Variants in DPP10 observed in about 807,000 individuals in gnomAD.
The protein encoded by DPP10 is inactive dipeptidyl peptidase 10.
Under a neutral mutation model 120.9 loss-of-function variants are expected in DPP10, and 33 were observed. That is an observed-to-expected ratio of 0.27 (90% confidence interval 0.21 to 0.37). DPP10 has a LOEUF of 0.37. Ranked by LOEUF, DPP10 falls within the 10% of genes least tolerant of loss-of-function variation. The pLI is 1.00. For missense variants in DPP10, 816 were observed against 942.8 expected, an observed-to-expected ratio of 0.87 and a Z score of 1.76; for synonymous variants, 337 against 326.1, an observed-to-expected ratio of 1.03 and a Z score of -0.36.
intron 1 of DPP10, among the ~76,000 whole-genome samples, chr2:115,265,821 G>A (rs1458801397): frequency 6.6e-6 from 1 of 152,088 alleles, no homozygotes; most frequent in Admixed American, 6.6e-5. Flanking sequence ...GCTCACGCCT[G>A]TAGTCCCAGC....
chr2:114,606,023 C>T (rs1259367796), intron 1 of DPP10, among the ~76,000 whole-genome samples: 2 of 152,026 alleles, frequency 1.3e-5, no homozygotes, highest in Non-Finnish European at 2.9e-5. Flanking sequence ...TTCAGTATCT[C>T]CCAAATGTTG....
At chr2:114,654,176 G>A (rs966025945) in intron 1 of DPP10, among the ~76,000 whole-genome samples, 3 of 152,094 alleles carry the variant, frequency 2.0e-5, no homozygotes, top group Non-Finnish European at 4.4e-5. Flanking sequence ...CTGTACATAC[G>A]AGTAAACTGC....
chr2:114,700,260 C>A (rs974777800), intron 1 of DPP10, among the ~76,000 whole-genome samples: 1 of 152,096 alleles, frequency 6.6e-6, no homozygotes, highest in Non-Finnish European at 1.5e-5. Context: ...CACCCTCCAC[C>A]TTCTCCTGCC....
intron 1 of DPP10, among the ~76,000 whole-genome samples, chr2:114,641,891 A>C (rs1197496141): frequency 6.6e-6 from 1 of 151,984 alleles, no homozygotes; most frequent in Non-Finnish European, 1.5e-5. Context: ...CAGGTGTGAA[A>C]ATAATGTTGA....
chr2:115,551,185 G>A (rs918601788), intron 5 of DPP10, among the ~76,000 whole-genome samples: 2 of 152,030 alleles, frequency 1.3e-5, no homozygotes, highest in Non-Finnish European at 2.9e-5. Flanking sequence ...TGTAGTACCT[G>A]TCAAGCTTTT....
At chr2:115,253,644 T>C (rs1040150585) in intron 1 of DPP10, among the ~76,000 whole-genome samples, 4 of 152,238 alleles carry the variant, frequency 2.6e-5, no homozygotes. Context: ...AGGACAGTCA[T>C]TAAACCTCAA....
chr2:114,950,716 G>C (rs1482387656), intron 1 of DPP10, among the ~76,000 whole-genome samples: 1 of 152,084 alleles, frequency 6.6e-6, no homozygotes, highest in Non-Finnish European at 1.5e-5. Context: ...ACAGAAGAAA[G>C]ATATGTGTCT....
chr2:114,455,758 T>A lies in DPP10; in HGVS notation c.60+12920T>A, dbSNP rs1469469769. Reference sequence around the variant, plus strand: ...TTTTTTTTTTTTACCATTTTCATGCTCAGTAAAGTAGTAAAAATCAACAGC... The same window carrying A: ...TTTTTTTTTTTTACCATTTTCATGCACAGTAAAGTAGTAAAAATCAACAGC... On this transcript the variant is annotated intron_variant, in intron 1 of 25. Coordinates refer to ENST00000410059, the MANE Select transcript of DPP10 (RefSeq NM_020868.6). 1.3e-5 allele frequency among the ~76,000 whole-genome samples: 2 copies of A among 149,070 alleles called. 1 individual carries two copies. The highest frequency in any genetic ancestry group is 4.9e-5 in the African/African-American group (2 of 40,502).
intron 5 of DPP10, among the ~76,000 whole-genome samples, chr2:115,604,901 A>C (rs559684920): frequency 6.6e-6 from 1 of 152,312 alleles, no homozygotes; most frequent in Admixed American, 6.5e-5. Flanking sequence ...ATTTAAGAAA[A>C]CATTAATTAC....
intron 1 of DPP10, among the ~76,000 whole-genome samples, chr2:114,922,533 A>G (rs1204681782): frequency 6.6e-6 from 1 of 152,152 alleles, no homozygotes; most frequent in Non-Finnish European, 1.5e-5. Context: ...ACTGACCTAG[A>G]ACTCTTGACC....
rs3981303 is a variant in DPP10, at chr2:114,589,037, T to TGGG, written c.60+146208_60+146210dup. ...TCCGGTAGAAAGGCAAAGGTTTTTT[T>TGGG]GGGGGGGGGGGTAGGGGACGTACTG... On this transcript the variant is annotated intron_variant, in intron 1 of 25. Coordinates refer to ENST00000410059, the MANE Select transcript of DPP10 (RefSeq NM_020868.6). Among the ~76,000 whole-genome samples, 332 of 102,394 alleles carry TGGG rather than the reference T, an allele frequency of 3.2e-3. 7 individuals carry two copies. The highest frequency in any genetic ancestry group is 4.6e-3 in the South Asian group (14 of 3,020). The allele number at this position is 102,394 out of a possible 152,430, so 67.2% of individuals were successfully genotyped here.
chr2:115,385,402 C>T (rs2066858985), intron 3 of DPP10, among the ~76,000 whole-genome samples: 1 of 150,624 alleles, frequency 6.6e-6, no homozygotes, highest in African/African-American at 2.4e-5. Context: ...GTCGCCCAGG[C>T]TGGAGTGCAG....
chr2:114,469,583 C>G (rs1261998135), intron 1 of DPP10, among the ~76,000 whole-genome samples: 1 of 151,998 alleles, frequency 6.6e-6, no homozygotes, highest in African/African-American at 2.4e-5. Context: ...CAAAAATTAG[C>G]TGGGAGTGGT....
chr2:115,517,819 T>TA (rs2077583625), intron 4 of DPP10, among the ~76,000 whole-genome samples: 1 of 152,206 alleles, frequency 6.6e-6, no homozygotes, highest in Admixed American at 6.5e-5. Flanking sequence ...GCTAAATAGA[T>TA]ATCTGTCTTA....
intron 1 of DPP10, among the ~76,000 whole-genome samples, chr2:114,757,195 G>A (rs1294891948): frequency 6.7e-6 from 1 of 149,178 alleles, no homozygotes; most frequent in African/African-American, 2.5e-5. Flanking sequence ...GGGATGGAAG[G>A]GAGGGAGAAA....
At chr2:115,663,853 G>T (rs2089222544) in intron 5 of DPP10, among the ~76,000 whole-genome samples, 1 of 151,930 alleles carries the variant, frequency 6.6e-6, no homozygotes, top group Non-Finnish European at 1.5e-5. Flanking sequence ...AAATTAGCCG[G>T]GTGTGGTGGC....
chr2:115,688,546 A>T (rs1414718566), intron 5 of DPP10, among the ~76,000 whole-genome samples: 2 of 152,200 alleles, frequency 1.3e-5, no homozygotes, highest in Non-Finnish European at 2.9e-5. Flanking sequence ...TGGAAATAAT[A>T]ATATCACAAT....
intron 5 of DPP10, among the ~76,000 whole-genome samples, chr2:115,574,874 A>T (rs1575218468): frequency 6.6e-6 from 1 of 152,120 alleles, no homozygotes; most frequent in Non-Finnish European, 1.5e-5. Context: ...CGGCTTGTTT[A>T]CCTGCTGTGC....
At chr2:115,649,485 T>C (rs998241513) in intron 5 of DPP10, among the ~76,000 whole-genome samples, 10 of 152,252 alleles carry the variant, frequency 6.6e-5, no homozygotes, top group African/African-American at 2.2e-4. Flanking sequence ...TATGATGATT[T>C]GTACATAATT....
Sources: allele counts gnomAD v4.1 joint callset (sites outside exome capture counted in the v4.1 genomes callset), GRCh38; gene constraint gnomAD v4.1.1; transcripts MANE v1.5; gene names NCBI Gene and HGNC (gene_info 2026-07-23, HGNC 2026-07-21).